Variants in USHBP1 observed in about 807,000 individuals in gnomAD.
The protein encoded by USHBP1 is USH1 protein network component harmonin binding protein 1, also known as harmonin-binding protein USHBP1.
A neutral mutation model predicts 76.2 loss-of-function variants in USHBP1; 67 were observed. That is an observed-to-expected ratio of 0.88 (90% CI 0.72 to 1.08). The LOEUF is 1.08. Among genes scored for constraint, USHBP1 ranks in the 50% least tolerant of loss-of-function variants. The pLI is 0.00. For missense variants in USHBP1, 931 were observed against 915.0 expected (o/e 1.02, Z -0.23); for synonymous variants, 322 against 362.2 (o/e 0.89, Z 1.26).
Position 17,250,183 on chromosome 19 carries a change from C to T in USHBP1, c.*42G>A. On this transcript the variant is annotated 3_prime_UTR_variant, in exon 13 of 13. Coordinates refer to ENST00000252597, the MANE Select transcript of USHBP1 (RefSeq NM_031941.4). ...TCACTCCAGGACAGTTTATGACATG[C>T]CACAGCTGTCTGGCATGTCCAGACA... The T allele has an allele frequency of 6.4e-7, 1 of 1,562,436 alleles. No individual in the cohort carries two copies. The highest frequency in any genetic ancestry group is 8.7e-7 in the Non-Finnish European group (1 of 1,153,984).
rs567085770 is a variant in USHBP1 at position 17,264,294 on chromosome 19, A to G, written c.6T>C (p.Ser2=). The part of the protein sequence containing the change: M[S]ARATRPRSRR... ...GGCTTCGGGGCCGCGTGGCCCGGGC[A>G]CTCATTGCTGTCCAGAAGCCAGTGC... is the stretch of plus-strand genomic sequence containing the variant. The change falls in exon 2 of 13, where the codon AGT becomes AGC. Residue 2 remains serine, a synonymous_variant. Transcript: ENST00000252597. 23 of 1,612,014 alleles carry G rather than the reference A, an allele frequency of 1.4e-5. No individual in the cohort carries two copies. Among genetic ancestry groups the G allele is most frequent in the Non-Finnish European group, 1.9e-5 (23 of 1,179,540 alleles).
At chr19:17,263,234 CA>C (rs2073713284) in intron 3 of USHBP1, 1 of 352,518 alleles carries the variant, frequency 2.8e-6, no homozygotes. Context: ...GACAGGGTTT[CA>C]CCATGTTGGC....
chr19:17,256,617 G>C lies in USHBP1; in HGVS notation c.1324C>G (p.Leu442Val). The change falls in exon 9 of 13, where the codon CTC becomes GTC. Residue 442 changes from leucine (L) to valine (V), a missense_variant. Transcript: ENST00000252597. Reference protein sequence around the residue: ...LQERRSLMKILSEPGPTLAPM... With the variant: ...LQERRSLMKIVSEPGPTLAPM... ...GCCAAGGTGGGGCCAGGCTCTGAGA[G>C]AATCTTCATTAGAGAACGGCGCTCC... 6.2e-7 allele frequency: 1 copy of C among 1,614,228 alleles called. No individual in the cohort carries two copies. Among genetic ancestry groups the C allele is most frequent in the Non-Finnish European group, 8.5e-7 (1 of 1,180,050 alleles).
chr19:17,258,336 C>T lies in USHBP1; in HGVS notation c.1096G>A (p.Asp366Asn), dbSNP rs757107609. ...GGGGCTTCGTCTCCTGCTCCTGAGT[C>T]GGCCTCCCGCAGAGCAAGCAGAACC... ...YRVLLALREA[D>N]SGAGDEAPMS... The change falls in exon 8 of 13, where the codon GAC (aspartate) becomes AAC (asparagine). Residue 366 changes from aspartate to asparagine, a missense_variant. Transcript: ENST00000252597. The T allele has an allele frequency of 4.1e-5, 66 of 1,613,954 alleles. No homozygotes were observed. The highest frequency in any genetic ancestry group is 4.8e-5 in the Non-Finnish European group (57 of 1,180,038).
intron 4 of USHBP1, among the ~76,000 whole-genome samples, chr19:17,261,198 C>T (rs1331959669): frequency 6.6e-6 from 1 of 152,184 alleles, no homozygotes; most frequent in African/African-American, 2.4e-5. Context: ...GTTCTGGCTC[C>T]CCACACTCTC....
Position 17,259,651 on chromosome 19 carries a change from G to A in USHBP1, c.850C>T (p.Gln284Ter). Residue 284 changes from glutamine to a stop codon, truncating the protein, a stop_gained, in exon 6 of 13, where the codon CAG becomes TAG. Coordinates refer to ENST00000252597, the MANE Select transcript of USHBP1 (RefSeq NM_031941.4). LOFTEE classifies it high-confidence loss of function. Reference protein sequence around the residue: ...STQILGSLPNQPLSPEMHIME... With the variant: ...STQILGSLPN ...ATGTGCATCTCAGGACTGAGGGGCT[G>A]GTTGGGAAGAGACCCAAGGATCTGG... 1 of 1,614,076 alleles carries A rather than the reference G, an allele frequency of 6.2e-7. No individual in the cohort carries two copies. The highest frequency in any genetic ancestry group is 8.5e-7 in the Non-Finnish European group (1 of 1,179,998).
At chr19:17,259,529 C>A in intron 6 of USHBP1, 67 bp downstream of exon 6, 4 of 1,604,774 alleles carry the variant, frequency 2.5e-6, no homozygotes, top group African/African-American at 1.3e-5. Flanking sequence ...GCTTCAGACT[C>A]CTGGCTTTAT....
chr19:17,255,153 G>A (rs2073601759), intron 10 of USHBP1, among the ~76,000 whole-genome samples: 1 of 152,054 alleles, frequency 6.6e-6, no homozygotes, highest in Non-Finnish European at 1.5e-5. Context: ...ATAGCTAGAT[G>A]TGGTGGTGCG....
intron 4 of USHBP1, among the ~76,000 whole-genome samples, chr19:17,262,320 AT>A (rs1453983573): frequency 6.6e-5 from 10 of 150,992 alleles, no homozygotes; most frequent in South Asian, 4.2e-4. Flanking sequence ...CTGATTTTTA[AT>A]TTTTTTGCAG....
At chr19:17,252,497 C>T (rs1489104663) in intron 10 of USHBP1, among the ~76,000 whole-genome samples, 2 of 151,858 alleles carry the variant, frequency 1.3e-5, no homozygotes, top group Non-Finnish European at 2.9e-5. Context: ...GAGGCCAAGA[C>T]GGGTGGATCA....
chr19:17,250,356 A>C lies in USHBP1; in HGVS notation c.1981T>G (p.Leu661Val), dbSNP rs1454846574. 6.2e-7 allele frequency: 1 copy of C among 1,613,396 alleles called. No individual in the cohort carries two copies. The highest frequency in any genetic ancestry group is 8.5e-7 in the Non-Finnish European group (1 of 1,179,814). ...TCCATGAGTGCCATCTGCTGCTCCA[A>C]CTTCCGGCGTTGCTCTTCCTGCTTC... is the stretch of plus-strand genomic sequence containing the variant. ...HRKQEEQRRK[L>V]EQQMALMEAQ... Residue 661 changes from leucine to valine, a missense_variant, in exon 13 of 13, where the codon TTG (leucine) becomes GTG (valine). Transcript: ENST00000252597.
In USHBP1 at chr19:17,255,582, G is replaced by A. The variant is rs750844210; in HGVS notation, c.1495C>T (p.Arg499Trp). 8.7e-6 allele frequency: 14 copies of A among 1,612,110 alleles called. No homozygotes were observed. The highest frequency in any genetic ancestry group is 2.2e-5 in the South Asian group (2 of 90,942). ...TTCTCACGCCGCACCAGCTGCAGCC[G>A]AAGCATCAGGTCCGCCAGGGCCTCC... ...AREALADLML[R>W]LQLVRREKRG... Residue 499 changes from arginine (R) to tryptophan (W), a missense_variant, in exon 10 of 13, where the codon CGG becomes TGG. Transcript: ENST00000252597.
At position 17,249,934 on chromosome 19, in the gene USHBP1, C is replaced by G. The variant is rs1416463990; in HGVS notation, c.*291G>C. The G allele has an allele frequency of 2.5e-6, 1 of 398,554 alleles. No homozygotes were observed. The highest frequency in any genetic ancestry group is 2.1e-5 in the African/African-American group (1 of 46,604). The allele number at this position is 398,554 out of a possible 1,614,324, so 24.7% of individuals were successfully genotyped here. On this transcript the variant is annotated 3_prime_UTR_variant, in exon 13 of 13. Coordinates refer to ENST00000252597, the MANE Select transcript of USHBP1 (RefSeq NM_031941.4). ...GCTGTGGCTATGCAACCTCACGGAC[C>G]CCCGAAATGCGTCAGTCCCAGGGAC... is the stretch of plus-strand genomic sequence containing the variant.
At chr19:17,252,254 G>C (rs2073562344) in intron 10 of USHBP1, among the ~76,000 whole-genome samples, 2 of 152,050 alleles carry the variant, frequency 1.3e-5, no homozygotes, top group South Asian at 4.1e-4. Context: ...GGAGTACAGT[G>C]GCACGATCTT....
intron 4 of USHBP1, 86 bp downstream of exon 4, chr19:17,262,466 G>T (rs553893133): frequency 5.5e-6 from 8 of 1,451,156 alleles, no homozygotes; most frequent in South Asian, 5.4e-5. Context: ...TTTTTTGAAT[G>T]AACAAATGAA....
chr19:17,251,917 A>G lies in USHBP1; in HGVS notation c.1793T>C (p.Leu598Pro). ...EKLAQELAAS[L>P]TRTLDLQEQL... The stretch of plus-strand genomic sequence containing the variant: ...CCAGGACCCAGGCACACACCTGGTG[A>G]GCGATGCTGCCAGTTCCTGGGCTAA... Residue 598 changes from leucine to proline, a missense_variant, in exon 11 of 13, where the codon CTC (leucine) becomes CCC (proline). Leu to Pro is a moderately conservative substitution (Grantham distance 98). Coordinates refer to ENST00000252597, the MANE Select transcript of USHBP1 (RefSeq NM_031941.4). 1 of 1,542,180 alleles carries G rather than the reference A, an allele frequency of 6.5e-7. No homozygotes were observed. Among genetic ancestry groups the G allele is most frequent in the Admixed American group, 2.0e-5 (1 of 50,764 alleles).
At chr19:17,257,765 G>A (rs1436941567) in intron 8 of USHBP1, among the ~76,000 whole-genome samples, 1 of 151,480 alleles carries the variant, frequency 6.6e-6, no homozygotes, top group South Asian at 2.1e-4. Flanking sequence ...TCCCACCTCA[G>A]CCTCCCAAGT....
rs1157365722 is a variant in USHBP1, at chr19:17,255,370, G to A, written c.1692+15C>T. 6.2e-7 allele frequency: 1 copy of A among 1,610,712 alleles called. No individual in the cohort carries two copies. The highest frequency in any genetic ancestry group is 1.3e-5 in the African/African-American group (1 of 74,842). ...GTAAGCTACTCCCCTACCAGGTTCA[G>A]GCAGGGCAGCTCACCTGATACCACT... On this transcript the variant is annotated intron_variant, in intron 10 of 12. Transcript: ENST00000252597.
At position 17,259,364 on chromosome 19, in the gene USHBP1, C is replaced by T. The variant is rs766379332; in HGVS notation, c.971G>A (p.Arg324His). The change falls in exon 7 of 13, where the codon CGC (arginine) becomes CAC (histidine). Residue 324 changes from arginine to histidine, a missense_variant. Physicochemically the swap from Arg to His is conservative, Grantham distance 29. Coordinates refer to ENST00000252597, the MANE Select transcript of USHBP1 (RefSeq NM_031941.4). The stretch of plus-strand genomic sequence containing the variant: ...TAGCTGCATGCTGAGGCCTTCACAG[C>T]GGCCCTTGTATCCCTGTAGCACAGC... ...LSAVLQGYKG[R>H]CEGLSMQLGQ... The T allele has an allele frequency of 4.0e-5, 64 of 1,614,112 alleles. No homozygotes were observed. The highest frequency in any genetic ancestry group is 1.6e-4 in the Middle Eastern group (1 of 6,062).
Sources: gnomAD v4.1 joint callset for allele counts (sites outside exome capture counted in the v4.1 genomes callset) on GRCh38, gnomAD v4.1.1 for gene constraint, MANE v1.5 for transcripts, NCBI Gene and HGNC (gene_info 2026-07-23, HGNC 2026-07-21) for gene names.